The following TUBB8 variants were observed in gnomAD, a reference collection of about 807,000 sequenced individuals.
The protein encoded by TUBB8 is tubulin beta-8 chain.
In TUBB8, 25 loss-of-function variants were observed where a neutral mutation model predicts 33.7. The observed-to-expected ratio is 0.74, with a 90% CI of 0.54 to 1.04. TUBB8 has a LOEUF of 1.04. Among genes scored for constraint, TUBB8 ranks in the 50% least tolerant of loss-of-function variants. The pLI, the probability that TUBB8 is intolerant of heterozygous loss-of-function variation, is 0.00. For synonymous variants in TUBB8, 245 were observed against 240.1 expected (o/e 1.02, Z -0.19); for missense variants, 279 against 608.0 (o/e 0.46, Z 5.69).
chr10:75,935 T>C (rs530973848), upstream of TUBB8, among the ~76,000 whole-genome samples: 229 of 151,912 alleles, frequency 1.5e-3, 1 homozygote, highest in Middle Eastern at 0.01. Context: ...GGTCAGGAGT[T>C]CGAGACCAGC....
chr10:48,426 T>G, intron 3 of TUBB8, 189 bp downstream of exon 3: 1 of 669,122 alleles, frequency 1.5e-6, no homozygotes, highest in Non-Finnish European at 2.7e-6. Flanking sequence ...ACTCCTCACC[T>G]TGAGGAGACA....
At chr10:61,105 T>C (rs7906715) in intron 1 of TUBB8, among the ~76,000 whole-genome samples, 28,773 of 145,644 alleles carry the variant, frequency 0.2, 4,647 homozygotes, top group African/African-American at 0.45. Flanking sequence ...GGGATAGCAC[T>C]GGGAGATATA....
intron 1 of TUBB8, among the ~76,000 whole-genome samples, chr10:57,782 T>C (rs1281148110): frequency 2.0e-5 from 3 of 151,698 alleles, no homozygotes; most frequent in Non-Finnish European, 4.4e-5. Context: ...CTTCAATTCC[T>C]CTTTCCCATT....
At position 48,377 on chromosome 10, in the gene TUBB8, G is replaced by A. The variant is rs533025599; in HGVS notation, c.277+238C>T. ...CATTCTCAGGAAAGGCAGTAGCCAC[G>A]GCCCCAGCTCAGGTTCTTGCAGGGA... On this transcript the variant is annotated intron_variant, in intron 3 of 3. Coordinates refer to ENST00000568584, the MANE Select transcript of TUBB8 (RefSeq NM_177987.3). The A allele has an allele frequency of 1.9e-4, 117 of 632,164 alleles. 2 individuals are homozygous for A. Among genetic ancestry groups the A allele is most frequent in the South Asian group, 6.6e-4 (35 of 52,690 alleles). 39.2% of individuals were successfully genotyped at this position (632,164 alleles called of 1,614,324 possible). A position where few individuals can be genotyped will look rare whatever the true frequency, so the allele number is the denominator to read the frequency against.
intron 1 of TUBB8, among the ~76,000 whole-genome samples, chr10:69,778 T>C (rs147385245): frequency 3.0e-4 from 46 of 152,266 alleles, no homozygotes; most frequent in African/African-American, 1.1e-3. Context: ...ACACCTGTAG[T>C]CCCAGCTACT....
chr10:68,602 T>C (rs1307997342), intron 1 of TUBB8, among the ~76,000 whole-genome samples: 2 of 152,246 alleles, frequency 1.3e-5, no homozygotes, highest in Non-Finnish European at 2.9e-5. Flanking sequence ...TTGTTTTCAA[T>C]TTACTTTACA....
At chr10:49,041 G>A (rs1173068572) in intron 1 of TUBB8, 129 bp from the exon 2 acceptor site, 15 of 1,080,648 alleles carry the variant, frequency 1.4e-5, no homozygotes, top group Non-Finnish European at 1.9e-5. Flanking sequence ...CACCCCGGCC[G>A]CCTCGCCAGC....
At chr10:60,645 A>T (rs1337491244) in intron 1 of TUBB8, among the ~76,000 whole-genome samples, 3 of 152,232 alleles carry the variant, frequency 2.0e-5, no homozygotes, top group African/African-American at 7.2e-5. Flanking sequence ...CAACTAGTTC[A>T]ACCATTGTGG....
chr10:49,161 C>CA, intron 1 of TUBB8, 21 bp downstream of exon 1: 6 of 1,561,620 alleles, frequency 3.8e-6, no homozygotes, highest in Non-Finnish European at 5.2e-6. Context: ...GGGCTAGGCC[C>CA]TCAGAGCCCC....
rs189614601 is a variant in TUBB8, at chr10:62,830, A to C, written c.-846+11139T>G. 1.2e-3 allele frequency among the ~76,000 whole-genome samples: 189 copies of C among 152,306 alleles called. 2 individuals are homozygous for C. Among genetic ancestry groups the C allele is most frequent in the Admixed American group, 0.012 (177 of 15,306 alleles). On this transcript the variant is annotated intron_variant, in intron 1 of 3. Coordinates refer to the TUBB8 transcript ENST00000564130. ...TGTCATGCCACTCTCTCAGCCTGTA[A>C]ATTTTCCCCTGAAAAGTCTGCTGTC...
downstream of TUBB8, among the ~76,000 whole-genome samples, chr10:46,590 T>C (rs1475046862): frequency 7.2e-6 from 1 of 138,360 alleles, no homozygotes; most frequent in Non-Finnish European, 1.6e-5. Flanking sequence ...CACTGACCCC[T>C]TTTAACGTTC....
intron 1 of TUBB8, among the ~76,000 whole-genome samples, chr10:73,350 C>T (rs1181231893): frequency 6.6e-6 from 1 of 152,136 alleles, no homozygotes; most frequent in Non-Finnish European, 1.5e-5. Flanking sequence ...TCTGAAAACA[C>T]GGAGCACTGA....
At chr10:72,656 GC>G in intron 1 of TUBB8, among the ~76,000 whole-genome samples, 1 of 152,244 alleles carries the variant, frequency 6.6e-6, no homozygotes, top group East Asian at 1.9e-4. Flanking sequence ...TTCAAGACCA[GC>G]CTGGCCAAGA....
intron 1 of TUBB8, among the ~76,000 whole-genome samples, chr10:62,308 T>C (rs1407422074): frequency 5.3e-5 from 8 of 152,278 alleles, no homozygotes; most frequent in African/African-American, 1.9e-4. Context: ...TAATATCTTA[T>C]AACACATCAT....
upstream of TUBB8, among the ~76,000 whole-genome samples, chr10:51,528 T>G (rs1320269824): frequency 1.3e-5 from 2 of 152,216 alleles, no homozygotes; most frequent in African/African-American, 4.8e-5. Flanking sequence ...CAATTAAACC[T>G]CTTTTCTTTA....
chr10:48,120 A>G lies in TUBB8; in HGVS notation c.278-6T>C. Reference sequence around the variant, plus strand: ...GTTTCCGGCCCCACACTGACCTGTAAGACAGCACAGCCGGTCACTCGACGG... The same window carrying G: ...GTTTCCGGCCCCACACTGACCTGTAGGACAGCACAGCCGGTCACTCGACGG... On this transcript the variant is annotated splice_region_variant and splice_polypyrimidine_tract_variant and intron_variant, in intron 3 of 3. Coordinates refer to ENST00000568584, the MANE Select transcript of TUBB8 (RefSeq NM_177987.3). The G allele has an allele frequency of 1.9e-6, 3 of 1,606,762 alleles. No homozygotes were observed. Among genetic ancestry groups the G allele is most frequent in the Non-Finnish European group, 2.6e-6 (3 of 1,174,162 alleles).
chr10:59,722 A>C (rs1834574172), intron 1 of TUBB8, among the ~76,000 whole-genome samples: 2 of 152,226 alleles, frequency 1.3e-5, no homozygotes, highest in Admixed American at 1.3e-4. Flanking sequence ...ACCAGCCTCA[A>C]AGAATGAGTT....
chr10:76,239 G>A (rs1456456853), upstream of TUBB8, among the ~76,000 whole-genome samples: 3 of 151,418 alleles, frequency 2.0e-5, no homozygotes, highest in Non-Finnish European at 2.9e-5. Context: ...CCCGACCGAC[G>A]GCACAACGGC....
chr10:49,362 G>A, upstream of TUBB8: 1 of 967,762 alleles, frequency 1.0e-6, no homozygotes, highest in Non-Finnish European at 1.6e-6. Context: ...CTCGGATTCG[G>A]CTCCCAGAAT....
Sources: gnomAD v4.1 joint callset for allele counts (sites outside exome capture counted in the v4.1 genomes callset) on GRCh38, gnomAD v4.1.1 for gene constraint, MANE v1.5 for transcripts, NCBI Gene and HGNC (gene_info 2026-07-23, HGNC 2026-07-21) for gene names.